Variants in PPP2R5D observed in about 807,000 individuals in gnomAD.
PPP2R5D encodes the protein protein phosphatase 2 regulatory subunit B'delta.
PPP2R5D carries 12 observed loss-of-function variants against 79.1 expected under a neutral mutation model. That is an observed-to-expected ratio of 0.15 (90% CI 0.10 to 0.25). The LOEUF (loss-of-function observed/expected upper bound fraction) is 0.25. PPP2R5D is among the 10% of genes least tolerant of loss of function. PPP2R5D has a pLI of 1.00. For missense variants in PPP2R5D, 419 were observed against 760.2 expected, an observed-to-expected ratio of 0.55 and a Z score of 5.28; for synonymous variants, 277 against 286.6, an observed-to-expected ratio of 0.97 and a Z score of 0.34.
At chr6:42,997,352 C>T (rs148718062) in intron 2 of PPP2R5D, among the ~76,000 whole-genome samples, 3,065 of 152,074 alleles carry the variant, frequency 0.02, 49 homozygotes, top group South Asian at 0.06. Flanking sequence ...ACCACCACAT[C>T]TGGCTAATTT....
At chr6:42,986,948 T>G (rs1561836996) in intron 1 of PPP2R5D, among the ~76,000 whole-genome samples, 1 of 151,710 alleles carries the variant, frequency 6.6e-6, no homozygotes, top group East Asian at 1.9e-4. Flanking sequence ...CCTTCTTCAA[T>G]GGTTGGCAGG....
chr6:43,012,306 CA>C lies in PPP2R5D; in HGVS notation c.*1021del. 2 of 1,411,832 alleles carry C rather than the reference CA, an allele frequency of 1.4e-6. No homozygotes were observed. The highest frequency in any genetic ancestry group is 1.8e-6 in the Non-Finnish European group (2 of 1,082,224). 87.5% of individuals were successfully genotyped at this position (1,411,832 alleles called of 1,614,324 possible). A position where few individuals can be genotyped will look rare whatever the true frequency, so the allele number is the denominator to read the frequency against. ...TGGGTTGGGCTTGGACCGATGTCCC[CA>C]TATGTACAGAACTGAATAAAGTGGG... is the stretch of plus-strand genomic sequence containing the variant. On this transcript the variant is annotated 3_prime_UTR_variant, in exon 16 of 16. Coordinates refer to ENST00000485511, the MANE Select transcript of PPP2R5D (RefSeq NM_006245.4).
At chr6:42,999,070 T>G (rs1771993810) in intron 2 of PPP2R5D, among the ~76,000 whole-genome samples, 1 of 152,120 alleles carries the variant, frequency 6.6e-6, no homozygotes, top group Non-Finnish European at 1.5e-5. Context: ...GAAGTGAAAC[T>G]GGGCAGGACA....
Position 43,009,137 on chromosome 6 carries a change from T to C in PPP2R5D, c.1161T>C (p.Ile387=). 6.2e-7 allele frequency: 1 copy of C among 1,614,088 alleles called. No individual in the cohort carries two copies. The highest frequency in any genetic ancestry group is 8.5e-7 in the Non-Finnish European group (1 of 1,180,002). ...EVMFLNELEE[I]LDVIEPSEFS... is the part of the protein sequence containing the mutation. ...TGTTCTTGAATGAGCTGGAGGAGATTCTGGACGTCATTGAACCTTCTGAGT... is the reference window on the plus strand; with the variant it reads ...TGTTCTTGAATGAGCTGGAGGAGATCCTGGACGTCATTGAACCTTCTGAGT... The change falls in exon 11 of 16, where the codon ATT becomes ATC. Residue 387 remains isoleucine (I), a synonymous_variant. Transcript: ENST00000485511. The surrounding 1 kb of genome is among the most constrained non-coding windows in gnomAD (Gnocchi z 5.6).
At chr6:42,997,476 G>A (rs1282350723) in intron 2 of PPP2R5D, among the ~76,000 whole-genome samples, 1 of 150,846 alleles carries the variant, frequency 6.6e-6, no homozygotes. Flanking sequence ...ACAGGCGTGG[G>A]CCACTGTGCC....
rs369333679 is a variant in PPP2R5D at position 42,984,717 on chromosome 6, C to G, written c.27+13C>G. 1.2e-6 allele frequency: 2 copies of G among 1,611,924 alleles called. No individual in the cohort carries two copies. Among genetic ancestry groups the G allele is most frequent in the African/African-American group, 2.7e-5 (2 of 74,736 alleles). ...GAAAAAGGAGAAGGTGAGCGTGGCC[C>G]TTTTTCCCCCACCGCCGCCTTGGAG... On this transcript the variant is annotated intron_variant, in intron 1 of 15. Coordinates refer to ENST00000485511, the MANE Select transcript of PPP2R5D (RefSeq NM_006245.4).
chr6:43,009,256 C>T lies in PPP2R5D; in HGVS notation c.1251+29C>T. 3 of 1,614,014 alleles carry T rather than the reference C, an allele frequency of 1.9e-6. No individual in the cohort carries two copies. The highest frequency in any genetic ancestry group is 2.2e-5 in the East Asian group (1 of 44,874). ...AGACTCCAACCTAGCATATCCTAGCCCCTGCCAGAAACTGAGGTCTTGAGT... is the reference window on the plus strand; with the variant it reads ...AGACTCCAACCTAGCATATCCTAGCTCCTGCCAGAAACTGAGGTCTTGAGT... On this transcript the variant is annotated intron_variant, in intron 11 of 15. Coordinates refer to ENST00000485511, the MANE Select transcript of PPP2R5D (RefSeq NM_006245.4). The surrounding 1 kb of genome is among the most constrained non-coding windows in gnomAD (Gnocchi z 5.6).
At chr6:43,002,166 CTTT>C (rs775043995) in intron 2 of PPP2R5D, among the ~76,000 whole-genome samples, 6 of 140,700 alleles carry the variant, frequency 4.3e-5, no homozygotes, top group Non-Finnish European at 6.2e-5. Flanking sequence ...TTTGGTTGTT[CTTT>C]TTTTTTTTTT....
rs753276152 is a variant in PPP2R5D, at chr6:43,007,527, C to A, written c.726+21C>A. ...TTGCTGTGAGTCCCCGAGTTCCTGTCCTTGCCCTCTCTTTCCATTCCATGC... is the reference window on the plus strand; with the variant it reads ...TTGCTGTGAGTCCCCGAGTTCCTGTACTTGCCCTCTCTTTCCATTCCATGC... On this transcript the variant is annotated intron_variant, in intron 6 of 15. Transcript: ENST00000485511. The surrounding 1 kb of genome is among the most constrained non-coding windows in gnomAD (Gnocchi z 4.5). 2 of 1,568,996 alleles carry A rather than the reference C, an allele frequency of 1.3e-6. No homozygotes were observed.
chr6:42,998,517 G>A (rs778439928), intron 2 of PPP2R5D, among the ~76,000 whole-genome samples: 10 of 152,152 alleles, frequency 6.6e-5, no homozygotes, highest in Admixed American at 2.0e-4. Context: ...CCTGAATCTA[G>A]GAAGGCTTCT....
Position 43,009,007 on chromosome 6 carries a change from C to A in PPP2R5D, c.1081-50C>A, listed in dbSNP as rs1222943647. 5 of 1,589,158 alleles carry A rather than the reference C, an allele frequency of 3.1e-6. No homozygotes were observed. Among genetic ancestry groups the A allele is most frequent in the Non-Finnish European group, 4.3e-6 (5 of 1,164,608 alleles). On this transcript the variant is annotated intron_variant, in intron 10 of 15. Coordinates refer to ENST00000485511, the MANE Select transcript of PPP2R5D (RefSeq NM_006245.4). The surrounding 1 kb of genome is among the most constrained non-coding windows in gnomAD (Gnocchi z 5.6). ...AGCAGGTAGGAAAACTTCCTGGTGA[C>A]CTAGGCAGGTGCAAAGAATTTTCAT...
chr6:42,988,119 C>T (rs908417553), intron 1 of PPP2R5D, among the ~76,000 whole-genome samples: 3 of 152,154 alleles, frequency 2.0e-5, no homozygotes, highest in African/African-American at 7.2e-5. Context: ...CTCCCCACCT[C>T]CAAGAAGCCT....
Position 43,011,004 on chromosome 6 carries a change from G to A in PPP2R5D, c.1671+7G>A. The A allele has an allele frequency of 6.2e-7, 1 of 1,612,084 alleles. No homozygotes were observed. The highest frequency in any genetic ancestry group is 8.5e-7 in the Non-Finnish European group (1 of 1,178,128). On this transcript the variant is annotated splice_region_variant and intron_variant, in intron 15 of 15. Coordinates refer to ENST00000485511, the MANE Select transcript of PPP2R5D (RefSeq NM_006245.4). ...GGAGACTGAGGCTGTTCAGGTGGGAGGGCAATGTAGGGGGATGGAGCAGAA... is the reference window on the plus strand; with the variant it reads ...GGAGACTGAGGCTGTTCAGGTGGGAAGGCAATGTAGGGGGATGGAGCAGAA...
At chr6:42,990,701 T>C (rs1771198306) in intron 2 of PPP2R5D, among the ~76,000 whole-genome samples, 1 of 36,616 alleles carries the variant, frequency 2.7e-5, no homozygotes, top group Non-Finnish European at 8.2e-5. Context: ...GTATTCTACT[T>C]TTTTTTTTTT....
intron 2 of PPP2R5D, among the ~76,000 whole-genome samples, chr6:42,993,704 G>C (rs1771438589): frequency 6.6e-6 from 1 of 152,168 alleles, no homozygotes; most frequent in Admixed American, 6.6e-5. Flanking sequence ...ATGTGTCTCT[G>C]TCTCTGTCCA....
intron 2 of PPP2R5D, among the ~76,000 whole-genome samples, chr6:43,002,151 A>G (rs1772265648): frequency 6.6e-6 from 1 of 151,186 alleles, no homozygotes; most frequent in African/African-American, 2.4e-5. Context: ...CTCCACAGAT[A>G]AGGGTTTGGT....
chr6:43,009,927 G>C lies in PPP2R5D; in HGVS notation c.1379+478G>C, dbSNP rs993716077. 1.3e-5 allele frequency among the ~76,000 whole-genome samples: 2 copies of C among 152,114 alleles called. No individual in the cohort carries two copies. The highest frequency in any genetic ancestry group is 4.1e-4 in the South Asian group (2 of 4,828). The stretch of plus-strand genomic sequence containing the variant: ...CTACTAAAAATACAAAAATTAGCTG[G>C]GTGTAGTGGTGGATGCCTGTAGTCC... On this transcript the variant is annotated intron_variant, in intron 12 of 15. Transcript: ENST00000485511. The surrounding 1 kb of genome is among the most constrained non-coding windows in gnomAD (Gnocchi z 5.6).
chr6:43,010,737 G>A lies in PPP2R5D; in HGVS notation c.1554+1G>A. 6.2e-7 allele frequency: 1 copy of A among 1,613,948 alleles called. No homozygotes were observed. Among genetic ancestry groups the A allele is most frequent in the Non-Finnish European group, 8.5e-7 (1 of 1,179,856 alleles). ...GGAGCTGGCCCGGCTTAATCCCCAG[G>A]TGAGGTTTTCCTGCCACTGTTGTGA... On this transcript the variant is annotated splice_donor_variant, in intron 14 of 15. Transcript: ENST00000485511. LOFTEE classifies it high-confidence loss of function. This position sits in a 1 kb window ranked among gnomAD's most constrained non-coding sequence, Gnocchi z 4.7.
intron 2 of PPP2R5D, among the ~76,000 whole-genome samples, chr6:43,005,446 G>A (rs1344732241): frequency 6.6e-6 from 1 of 151,990 alleles, no homozygotes; most frequent in East Asian, 1.9e-4. Context: ...TGGAACTGCA[G>A]GCATGTGCCA....
Sources: gnomAD v4.1 joint callset for allele counts (sites outside exome capture counted in the v4.1 genomes callset) on GRCh38, gnomAD v4.1.1 for gene constraint, Gnocchi (gnomAD v3.1) non-coding constraint, MANE v1.5 for transcripts, NCBI Gene and HGNC (gene_info 2026-07-23, HGNC 2026-07-21) for gene names.